The following CWH43 variants were observed in gnomAD, a reference collection of about 807,000 sequenced individuals.
CWH43 encodes cell wall biogenesis 43 C-terminal homolog, also known as PGAP2-interacting protein.
Under a neutral mutation model 85.7 loss-of-function variants are expected in CWH43, and 91 were observed. That is an observed-to-expected ratio of 1.06 (90% CI 0.90 to 1.26). The LOEUF is 1.26. CWH43 is among the 50% of genes most tolerant of loss of function. The pLI is 0.00. For synonymous variants in CWH43, 323 were observed against 293.6 expected (o/e 1.10, Z -1.02); for missense variants, 869 against 839.2 (o/e 1.04, Z -0.44).
chr4:49,006,803 C>T (rs1158853031), intron 7 of CWH43, among the ~76,000 whole-genome samples: 3 of 152,144 alleles, frequency 2.0e-5, no homozygotes, highest in African/African-American at 2.4e-5. Flanking sequence ...TAAGAGCCTA[C>T]GTATGATCCA....
At chr4:49,054,161 T>C (rs532490287) in intron 15 of CWH43, among the ~76,000 whole-genome samples, 3 of 152,304 alleles carry the variant, frequency 2.0e-5, no homozygotes, top group Non-Finnish European at 4.4e-5. Context: ...AAATCTTTAA[T>C]CTATTTTGAG....
intron 8 of CWH43, among the ~76,000 whole-genome samples, chr4:49,009,819 A>C (rs1405303645): frequency 6.6e-6 from 1 of 152,230 alleles, no homozygotes; most frequent in African/African-American, 2.4e-5. Context: ...CATCCCAGGG[A>C]TGAAGCTAAC....
chr4:49,019,860 G>A (rs190046556), intron 9 of CWH43, among the ~76,000 whole-genome samples: 60 of 152,200 alleles, frequency 3.9e-4, no homozygotes, highest in African/African-American at 1.3e-3. Context: ...GATTACAGAC[G>A]TGAGCCACCG....
intron 11 of CWH43, 48 bp downstream of exon 11, chr4:49,031,008 G>T: frequency 6.7e-7 from 1 of 1,499,836 alleles, no homozygotes; most frequent in Non-Finnish European, 8.9e-7. Context: ...TGAAAGGCTA[G>T]GCTGCATAGG....
chr4:49,040,727 T>A (rs1192825883), intron 13 of CWH43, among the ~76,000 whole-genome samples: 1 of 152,258 alleles, frequency 6.6e-6, no homozygotes, highest in African/African-American at 2.4e-5. Context: ...TCCTTTGCTG[T>A]GCAGAAGCTC....
chr4:49,037,792 T>C (rs1457882953), intron 12 of CWH43, among the ~76,000 whole-genome samples: 1 of 152,210 alleles, frequency 6.6e-6, no homozygotes, highest in Non-Finnish European at 1.5e-5. Context: ...ATCTTTAAAT[T>C]GACTTGACTC....
At chr4:49,059,806 G>T (rs1785085901) in intron 15 of CWH43, among the ~76,000 whole-genome samples, 1 of 152,002 alleles carries the variant, frequency 6.6e-6, no homozygotes, top group Non-Finnish European at 1.5e-5. Flanking sequence ...GACTGGACTT[G>T]AAGTCTGGGT....
At chr4:48,994,020 C>A (rs1241639539) in intron 4 of CWH43, among the ~76,000 whole-genome samples, 3 of 152,140 alleles carry the variant, frequency 2.0e-5, no homozygotes, top group African/African-American at 7.2e-5. Context: ...CCTTGGCCTC[C>A]CAAAGTGCTG....
intron 1 of CWH43, chr4:48,986,703 C>G (rs935931001): frequency 3.7e-6 from 5 of 1,350,168 alleles, no homozygotes; most frequent in South Asian, 1.8e-5. Context: ...CGAGAGACCC[C>G]GTCGCCCGAG....
rs182082903 is a variant in CWH43, at chr4:49,013,614, G to A, written c.1187-3635G>A. On this transcript the variant is annotated intron_variant, in intron 8 of 15. Transcript: ENST00000226432. The stretch of plus-strand genomic sequence containing the variant: ...CTGCAGAACAGAGCTGTTCCTATTC[G>A]TCCATCTATTTCTCTACTTTTTTTT... 6.3e-4 allele frequency among the ~76,000 whole-genome samples: 89 copies of A among 140,484 alleles called. 1 individual carries two copies. Among genetic ancestry groups the A allele is most frequent in the African/African-American group, 2.0e-3 (82 of 40,152 alleles). The allele number at this position is 140,484 out of a possible 152,430, so 92.2% of individuals were successfully genotyped here.
rs1784319900 is a variant in CWH43, at chr4:49,038,160, A to G, written c.1783A>G (p.Thr595Ala). The G allele has an allele frequency of 3.1e-6, 5 of 1,595,436 alleles. No homozygotes were observed. Among genetic ancestry groups the G allele is most frequent in the Non-Finnish European group, 4.3e-6 (5 of 1,170,282 alleles). Reference protein sequence around the residue: ...APGSRDYLQLTEHGNVKDIDS... With the variant: ...APGSRDYLQLAEHGNVKDIDS... ...TGGCTCCAGAGATTATCTACAGCTC[A>G]CTGAACATGGCAATGTGAAGGTAAC... Residue 595 changes from threonine (T) to alanine (A), a missense_variant, in exon 13 of 16, where the codon ACT (threonine) becomes GCT (alanine). This residue lies in a region of CWH43 where 577 missense variants were observed against 513.1 expected (regional missense o/e 1.12). Transcript: ENST00000226432.
At chr4:49,008,775 A>G (rs1042871685) in intron 8 of CWH43, among the ~76,000 whole-genome samples, 9 of 152,204 alleles carry the variant, frequency 5.9e-5, no homozygotes, top group Admixed American at 5.9e-4. Context: ...GTCAAAGATC[A>G]GATGGTTGTA....
In CWH43 at chr4:49,003,952, A is replaced by G. The variant is rs771031768; in HGVS notation, c.1020A>G (p.Pro340=). 1.9e-6 allele frequency: 3 copies of G among 1,613,438 alleles called. No individual in the cohort carries two copies. Among genetic ancestry groups the G allele is most frequent in the South Asian group, 1.1e-5 (1 of 91,078 alleles). Reference sequence around the variant, plus strand: ...GGTGCACAGCTTTTAAGTTTGTCCCAGGAGGTGTCTACGCTAGAGAAAGAT... The same window carrying G: ...GGTGCACAGCTTTTAAGTTTGTCCCGGGAGGTGTCTACGCTAGAGAAAGAT... ...CAWCTAFKFV[P]GGVYARERSD... is the part of the protein sequence containing the mutation. The change falls in exon 7 of 16, where the codon CCA becomes CCG. Residue 340 remains proline, a synonymous_variant. Coordinates refer to ENST00000226432, the MANE Select transcript of CWH43 (RefSeq NM_025087.3).
chr4:49,046,047 ACT>A (rs1442331781), intron 14 of CWH43, among the ~76,000 whole-genome samples: 34 of 151,454 alleles, frequency 2.2e-4, no homozygotes, highest in Non-Finnish European at 1.6e-4. Flanking sequence ...CCACTATTCT[ACT>A]CTCAACTTCT....
intron 6 of CWH43, among the ~76,000 whole-genome samples, chr4:49,002,952 G>A (rs904231126): frequency 2.1e-4 from 32 of 152,104 alleles, no homozygotes; most frequent in African/African-American, 7.5e-4. Flanking sequence ...TATACAACAT[G>A]GATTGGAATG....
intron 15 of CWH43, among the ~76,000 whole-genome samples, chr4:49,061,266 C>A (rs1343925214): frequency 1.3e-5 from 2 of 152,088 alleles, no homozygotes; most frequent in African/African-American, 2.4e-5. Flanking sequence ...CTGTCTCTTA[C>A]ATTATAGAGG....
chr4:49,029,310 G>C (rs574132219), intron 10 of CWH43, among the ~76,000 whole-genome samples: 29 of 152,168 alleles, frequency 1.9e-4, no homozygotes, highest in Non-Finnish European at 7.3e-5. Context: ...GATGTGCCTT[G>C]TTAACAATAT....
At chr4:49,008,101 G>A (rs538048690) in intron 8 of CWH43, among the ~76,000 whole-genome samples, 16 of 152,256 alleles carry the variant, frequency 1.1e-4, no homozygotes, top group East Asian at 5.8e-4. Context: ...GTATAAAAGC[G>A]TTCCTATTTC....
chr4:48,998,699 T>C (rs771952137), intron 6 of CWH43, 151 bp downstream of exon 6: 10 of 636,586 alleles, frequency 1.6e-5, no homozygotes, highest in Admixed American at 4.7e-5. Context: ...ATAATGCAGA[T>C]GTCACCAAGG....
Sources: gnomAD v4.1 joint callset for allele counts (sites outside exome capture counted in the v4.1 genomes callset) on GRCh38, gnomAD v4.1.1 for gene constraint, gnomAD v4.1.1 regional missense constraint, MANE v1.5 for transcripts, NCBI Gene and HGNC (gene_info 2026-07-23, HGNC 2026-07-21) for gene names.